Variants in COP1 observed in about 807,000 individuals in gnomAD.
COP1 encodes the protein COP1 E3 ubiquitin ligase, also known as E3 ubiquitin-protein ligase COP1.
COP1 carries 24 observed loss-of-function variants against 101.3 expected under a neutral mutation model. The observed-to-expected ratio is 0.24, with a 90% CI of 0.17 to 0.33. The LOEUF (loss-of-function observed/expected upper bound fraction) is 0.33. COP1 is among the 10% of genes least tolerant of loss of function. The pLI, the probability that COP1 is intolerant of heterozygous loss-of-function variation, is 1.00. For synonymous variants in COP1, 347 were observed against 341.9 expected (o/e 1.01, Z -0.17); for missense variants, 663 against 906.2 (o/e 0.73, Z 3.45).
intron 11 of COP1, among the ~76,000 whole-genome samples, chr1:176,070,722 G>C (rs1258577308): frequency 6.6e-6 from 1 of 152,112 alleles, no homozygotes; most frequent in Non-Finnish European, 1.5e-5. Flanking sequence ...TGCCATCATA[G>C]CTCACTGTAA....
chr1:176,067,157 C>T (rs1052529679), intron 11 of COP1, among the ~76,000 whole-genome samples: 1 of 151,982 alleles, frequency 6.6e-6, no homozygotes, highest in Non-Finnish European at 1.5e-5. Context: ...AAGAGTGACC[C>T]CCTCATGTAG....
chr1:176,204,326 AAATG>A (rs1700604720), intron 1 of COP1, among the ~76,000 whole-genome samples: 1 of 152,232 alleles, frequency 6.6e-6, no homozygotes, highest in African/African-American at 2.4e-5. Flanking sequence ...AATGTCCCAT[AAATG>A]AATAAGAAAT....
At chr1:176,026,727 A>G (rs1667732914) in intron 15 of COP1, among the ~76,000 whole-genome samples, 1 of 152,132 alleles carries the variant, frequency 6.6e-6, no homozygotes, top group African/African-American at 2.4e-5. Flanking sequence ...CCTTTTTTTA[A>G]AAGTTGCTAC....
intron 3 of COP1, among the ~76,000 whole-genome samples, chr1:176,171,757 T>C (rs1480309350): frequency 1.3e-5 from 2 of 152,164 alleles, no homozygotes; most frequent in African/African-American, 2.4e-5. Flanking sequence ...ATATACAATT[T>C]TGTTACAGAA....
intron 9 of COP1, among the ~76,000 whole-genome samples, chr1:176,115,413 G>A (rs1396410242): frequency 6.6e-6 from 1 of 151,838 alleles, no homozygotes; most frequent in Non-Finnish European, 1.5e-5. Flanking sequence ...TCACACCACT[G>A]CACTCCAGCC....
chr1:176,018,690 T>C (rs1322324619), intron 15 of COP1: 2 of 152,144 alleles, frequency 1.3e-5, no homozygotes, highest in Non-Finnish European at 2.9e-5. Flanking sequence ...GAAAAAGGTA[T>C]ATTAATATTA....
chr1:176,163,013 C>G (rs1694567608), intron 4 of COP1, 25 bp from the exon 5 acceptor site: 3 of 1,589,068 alleles, frequency 1.9e-6, no homozygotes, highest in Non-Finnish European at 2.6e-6. Flanking sequence ...AGAAGAAACA[C>G]AACAACTTCC....
intron 9 of COP1, among the ~76,000 whole-genome samples, chr1:176,097,753 CAGCTACA>C (rs1405068591): frequency 1.3e-5 from 2 of 151,146 alleles, no homozygotes; most frequent in African/African-American, 4.9e-5. Flanking sequence ...CCTGTAATTC[CAGCTACA>C]AGGGAGGCTG....
In COP1 at chr1:176,206,853, A is replaced by G; in HGVS notation, c.126T>C (p.Val42=). Residue 42 remains valine, a synonymous_variant, in exon 1 of 20, where the codon GTT becomes GTC. Coordinates refer to ENST00000367669, the MANE Select transcript of COP1 (RefSeq NM_022457.7). ...SSSPSPPSVA[V]SAAALVSGGV... ...CGCCGGACACCAGCGCTGCCGCCGA[A>G]ACCGCCACGGAAGGCGGCGACGGGG... The G allele has an allele frequency of 7.0e-7, 1 of 1,433,228 alleles. No homozygotes were observed. 88.8% of individuals were successfully genotyped at this position (1,433,228 alleles called of 1,614,324 possible).
intron 1 of COP1, among the ~76,000 whole-genome samples, chr1:176,190,383 C>T (rs1406578574): frequency 6.6e-6 from 1 of 151,970 alleles, no homozygotes; most frequent in Non-Finnish European, 1.5e-5. Flanking sequence ...TGAACTTTTA[C>T]CTCTTGTCAC....
Position 176,085,865 on chromosome 1 carries a change from CTAT to C in COP1, c.1049_1051del (p.Asn350del). On this transcript the variant is annotated inframe_deletion, in exon 10 of 20. Coordinates refer to ENST00000367669, the MANE Select transcript of COP1 (RefSeq NM_022457.7). ...TCGTTTTCGTCTTGATGCTAACGTG[CTAT>C]TATACCAAGGCTGTTTCTTTGTCTA... The C allele has an allele frequency of 6.2e-7, 1 of 1,603,184 alleles. No individual in the cohort carries two copies.
chr1:176,087,803 C>A (rs1680493007), intron 9 of COP1, among the ~76,000 whole-genome samples: 1 of 152,240 alleles, frequency 6.6e-6, no homozygotes. Flanking sequence ...GACACATGCA[C>A]ATGTATGTTT....
intron 15 of COP1, among the ~76,000 whole-genome samples, chr1:176,026,946 T>C (rs1436213647): frequency 6.6e-6 from 1 of 152,138 alleles, no homozygotes; most frequent in African/African-American, 2.4e-5. Context: ...CTTTTGTGAA[T>C]GAAAGAGGGC....
At chr1:176,098,976 C>A (rs1360956232) in intron 9 of COP1, among the ~76,000 whole-genome samples, 1 of 152,086 alleles carries the variant, frequency 6.6e-6, no homozygotes, top group Non-Finnish European at 1.5e-5. Context: ...GTGACTACTA[C>A]TAATATATGT....
intron 15 of COP1, among the ~76,000 whole-genome samples, chr1:176,027,341 C>T (rs896543166): frequency 6.6e-6 from 1 of 151,912 alleles, no homozygotes; most frequent in Non-Finnish European, 1.5e-5. Flanking sequence ...AGAAAAATGA[C>T]AAAAATTAAC....
intron 15 of COP1, among the ~76,000 whole-genome samples, chr1:176,005,876 A>G (rs1273711632): frequency 6.6e-6 from 1 of 152,154 alleles, no homozygotes; most frequent in Non-Finnish European, 1.5e-5. Flanking sequence ...CGCTTGGTGC[A>G]GAGCTGAGTT....
At chr1:176,165,804 A>C (rs1418913066) in intron 3 of COP1, among the ~76,000 whole-genome samples, 2 of 152,248 alleles carry the variant, frequency 1.3e-5, no homozygotes, top group Admixed American at 6.5e-5. Flanking sequence ...ATGTAGGCAG[A>C]TCAGAGCCAG....
At chr1:175,976,460 T>C (rs12407451) in intron 18 of COP1, among the ~76,000 whole-genome samples, 10,017 of 151,980 alleles carry the variant, frequency 0.066, 409 homozygotes, top group Middle Eastern at 0.12. Flanking sequence ...GTATTTTTAG[T>C]GTAGACGGGG....
At chr1:175,989,817 T>C (rs1657987128) in intron 15 of COP1, among the ~76,000 whole-genome samples, 1 of 152,182 alleles carries the variant, frequency 6.6e-6, no homozygotes, top group South Asian at 2.1e-4. Context: ...TTTAGATATA[T>C]TTTGCATATA....
Sources: gnomAD v4.1 joint callset for allele counts (sites outside exome capture counted in the v4.1 genomes callset) on GRCh38, gnomAD v4.1.1 for gene constraint, MANE v1.5 for transcripts, NCBI Gene and HGNC (gene_info 2026-07-23, HGNC 2026-07-21) for gene names.